Variants in USP35 observed in about 807,000 individuals in gnomAD.
USP35 encodes the protein ubiquitin specific peptidase 35.
A neutral mutation model predicts 83.8 loss-of-function variants in USP35; 69 were observed. The observed-to-expected ratio is 0.82, with a 90% CI of 0.68 to 1.01. The LOEUF (loss-of-function observed/expected upper bound fraction) is 1.01, where lower values mean the gene tolerates loss of function less well. Ranked by LOEUF, USP35 falls within the 50% of genes least tolerant of loss-of-function variation. USP35 has a pLI of 0.00. For synonymous variants in USP35, 714 were observed against 589.5 expected (o/e 1.21, Z -3.06); for missense variants, 1,503 against 1,362.5 (o/e 1.10, Z -1.62).
chr11:78,224,095 T>C, the USP35 span, among the ~76,000 whole-genome samples: 1 of 151,174 alleles, frequency 6.6e-6, no homozygotes. Flanking sequence ...AAATAAAAAA[T>C]AAAAAAAAGG....
chr11:78,199,354 G>A, intron 3 of USP35: 1 of 524,586 alleles, frequency 1.9e-6, no homozygotes, highest in Non-Finnish European at 3.4e-6. Flanking sequence ...GCGAGACTTG[G>A]GGTGCTGAGA....
chr11:78,204,542 G>A (rs1863476525), intron 6 of USP35, among the ~76,000 whole-genome samples: 2 of 152,142 alleles, frequency 1.3e-5, no homozygotes, highest in South Asian at 2.1e-4. Flanking sequence ...TGGGAATAAT[G>A]GCATTTGATT....
chr11:78,201,202 A>G (rs940651197), intron 6 of USP35, among the ~76,000 whole-genome samples: 15 of 152,102 alleles, frequency 9.9e-5, no homozygotes, highest in African/African-American at 3.6e-4. Flanking sequence ...CATGCCCTCC[A>G]CCAGGCTGGG....
rs760408898 is a variant in USP35 at position 78,213,713 on chromosome 11, G to A, written c.2957G>A (p.Gly986Glu). ...ISALPTSPHW[G>E]RGFDEDKDED... ...GCACTCCCCACATCTCCGCACTGGG[G>A]GAGGGGCTTTGATGAAGACAAGGAT... Residue 986 changes from glycine (G) to glutamate (E), a missense_variant, in exon 11 of 11, where the codon GGG becomes GAG. Gly to Glu is a moderately conservative substitution (Grantham distance 98, BLOSUM62 -2). Coordinates refer to ENST00000529308, the MANE Select transcript of USP35 (RefSeq NM_020798.4). 1.3e-6 allele frequency: 2 copies of A among 1,534,136 alleles called. No homozygotes were observed. The highest frequency in any genetic ancestry group is 1.7e-6 in the Non-Finnish European group (2 of 1,150,824).
In USP35 at chr11:78,209,580, G is replaced by A; in HGVS notation, c.1725G>A (p.Val575=). The change falls in exon 10 of 11, where the codon GTG becomes GTA. Residue 575 remains valine (V), a synonymous_variant. Coordinates refer to ENST00000529308, the MANE Select transcript of USP35 (RefSeq NM_020798.4). The part of the protein sequence containing the change: ...SVEKMFGGKI[V]TRICCLCCLN... ...AAAAAATGTTTGGAGGCAAGATAGT[G>A]ACTCGGATCTGCTGTCTCTGCTGCC... is the stretch of plus-strand genomic sequence containing the variant. The A allele has an allele frequency of 6.2e-7, 1 of 1,614,162 alleles. No homozygotes were observed. The highest frequency in any genetic ancestry group is 8.5e-7 in the Non-Finnish European group (1 of 1,180,018).
the USP35 span, among the ~76,000 whole-genome samples, chr11:78,229,811 C>T: frequency 6.6e-6 from 1 of 152,286 alleles, no homozygotes; most frequent in South Asian, 2.1e-4. Context: ...AAGCATTGGG[C>T]TTTGCTGCAT....
At chr11:78,197,885 GA>G in intron 2 of USP35, 50 bp from the exon 3 acceptor site, 1 of 1,591,620 alleles carries the variant, frequency 6.3e-7, no homozygotes, top group African/African-American at 1.3e-5. Context: ...TGTGCTGGGG[GA>G]AGGGAGGGGC....
the USP35 span, among the ~76,000 whole-genome samples, chr11:78,229,093 C>T: frequency 6.6e-6 from 1 of 152,120 alleles, no homozygotes; most frequent in Non-Finnish European, 1.5e-5. Context: ...TCATTACAGT[C>T]AAGTAGGGGT....
downstream of USP35, chr11:78,219,383 C>T: frequency 1.9e-6 from 3 of 1,613,962 alleles, no homozygotes; most frequent in Non-Finnish European, 2.5e-6. Context: ...CGTAGTCCAC[C>T]TTCTCATCAG....
chr11:78,223,400 G>T, the USP35 span: 1 of 1,510,260 alleles, frequency 6.6e-7, no homozygotes, highest in South Asian at 1.3e-5. Flanking sequence ...ACAGGGGAAA[G>T]AATGGACTTA....
In USP35 at chr11:78,214,887, T is replaced by TACCTTACCTGACTG. The variant is rs1565409207; in HGVS notation, c.*1076_*1077insCTTACCTGACTGAC. ...AAGTAAACGTGTGGACTGACTGACT[T>TACCTTACCTGACTG]ACTTACCTTACTGAGGGCTGGGTGA... On this transcript the variant is annotated 3_prime_UTR_variant, in exon 11 of 11. Coordinates refer to ENST00000529308, the MANE Select transcript of USP35 (RefSeq NM_020798.4). 1.2e-5 allele frequency among the ~76,000 whole-genome samples: 1 copy of TACCTTACCTGACTG among 83,276 alleles called. No homozygotes were observed. The highest frequency in any genetic ancestry group is 1.3e-4 in the Admixed American group (1 of 7,824). The allele number at this position is 83,276 out of a possible 152,430, so 54.6% of individuals were successfully genotyped here. A position where few individuals can be genotyped will look rare whatever the true frequency, so the allele number is the denominator to read the frequency against.
chr11:78,207,874 G>A (rs1863581397), intron 8 of USP35, among the ~76,000 whole-genome samples: 1 of 152,340 alleles, frequency 6.6e-6, no homozygotes, highest in East Asian at 1.9e-4. Flanking sequence ...TCCATCCATC[G>A]CATTATGGTG....
At chr11:78,222,191 C>T in the USP35 span, 36 of 1,612,058 alleles carry the variant, frequency 2.2e-5, no homozygotes, top group Non-Finnish European at 2.9e-5. Context: ...GTGGTGTTGG[C>T]TTTGCTGGAG....
intron 1 of USP35, among the ~76,000 whole-genome samples, chr11:78,190,400 G>A (rs1470587643): frequency 6.6e-6 from 1 of 152,214 alleles, no homozygotes; most frequent in Non-Finnish European, 1.5e-5. Flanking sequence ...GCAAGACCAG[G>A]CCTGGGCAAA....
rs976529288 is a variant in USP35, at chr11:78,206,039, G to T, written c.1391+4G>T. On this transcript the variant is annotated splice_donor_region_variant and intron_variant, in intron 7 of 10. Coordinates refer to ENST00000529308, the MANE Select transcript of USP35 (RefSeq NM_020798.4). ...AGGCCTTATTCATGGCGTCTGAGTA[G>T]GTGCTGCTTTGGAATTCCCTGTCTG... 3 of 1,606,670 alleles carry T rather than the reference G, an allele frequency of 1.9e-6. No individual in the cohort carries two copies. Among genetic ancestry groups the T allele is most frequent in the Non-Finnish European group, 2.6e-6 (3 of 1,174,134 alleles).
chr11:78,208,051 G>A (rs944007341), intron 8 of USP35, among the ~76,000 whole-genome samples: 4 of 152,222 alleles, frequency 2.6e-5, no homozygotes, highest in Non-Finnish European at 5.9e-5. Context: ...ATCACAGGGT[G>A]TGAGAGCATG....
intron 2 of USP35, 104 bp downstream of exon 2, chr11:78,197,022 G>C (rs1863173848): frequency 7.3e-7 from 1 of 1,368,892 alleles, no homozygotes; most frequent in Admixed American, 3.4e-5. Context: ...CGCCCGTGTG[G>C]CACGAGTGTG....
Position 78,214,157 on chromosome 11 carries a change from A to G in USP35, c.*344A>G, listed in dbSNP as rs955420107. The G allele has an allele frequency of 6.2e-5, 13 of 208,026 alleles. No homozygotes were observed. In the East Asian group the frequency reaches 8.8e-4, roughly 14 times the overall value. 12.9% of individuals were successfully genotyped at this position (208,026 alleles called of 1,614,324 possible). On this transcript the variant is annotated 3_prime_UTR_variant, in exon 11 of 11. Coordinates refer to ENST00000529308, the MANE Select transcript of USP35 (RefSeq NM_020798.4). The stretch of plus-strand genomic sequence containing the variant: ...GGAAACAGGCTAGACCTCAGCTCCA[A>G]TGTTTTGACATCAAGTACTATTTTC...
Position 78,196,572 on chromosome 11 carries a change from G to T in USP35, c.327G>T (p.Gln109His). The T allele has an allele frequency of 8.0e-7, 1 of 1,243,826 alleles. No homozygotes were observed. Among genetic ancestry groups the T allele is most frequent in the Non-Finnish European group, 1.0e-6 (1 of 991,370 alleles). 77.0% of individuals were successfully genotyped at this position (1,243,826 alleles called of 1,614,324 possible). A position where few individuals can be genotyped will look rare whatever the true frequency, so the allele number is the denominator to read the frequency against. Reference protein sequence around the residue: ...RALACVQLGLQLLPEGPAADE... With the variant: ...RALACVQLGLHLLPEGPAADE... ...TCGCCTGCGTGCAGCTGGGTCTGCA[G>T]CTGCTGCCCGAGGGGCCTGCGGCCG... The change falls in exon 2 of 11, where the codon CAG becomes CAT. Residue 109 changes from glutamine to histidine, a missense_variant. By Grantham distance (24) the Gln-to-His change is conservative. Transcript: ENST00000529308. This position sits in a 1 kb window ranked among gnomAD's most constrained non-coding sequence, Gnocchi z 4.8.
Sources: allele counts gnomAD v4.1 joint callset (sites outside exome capture counted in the v4.1 genomes callset), GRCh38; gene constraint gnomAD v4.1.1; non-coding constraint Gnocchi (gnomAD v3.1); transcripts MANE v1.5; gene names NCBI Gene and HGNC (gene_info 2026-07-23, HGNC 2026-07-21).